The following SLC71A2 variants were observed in gnomAD, a reference collection of about 807,000 sequenced individuals.
SLC71A2 encodes solute carrier family 71 member 2, also known as hippocampus abundant transcript-like 1.
the SLC71A2 span, chr9:94,453,848 T>C: frequency 5.5e-6 from 4 of 724,612 alleles, no homozygotes; most frequent in Non-Finnish European, 9.8e-6. Context: ...GGTCAGGCAG[T>C]GTGCCCTTAG....
the SLC71A2 span, among the ~76,000 whole-genome samples, chr9:94,403,105 T>C: frequency 1.3e-5 from 2 of 152,176 alleles, no homozygotes; most frequent in African/African-American, 4.8e-5. Flanking sequence ...AGTGAAATTA[T>C]GCCATATTTG....
the SLC71A2 span, among the ~76,000 whole-genome samples, chr9:94,379,907 T>G: frequency 2.0e-5 from 3 of 152,206 alleles, no homozygotes; most frequent in African/African-American, 7.2e-5. Flanking sequence ...TTTTTCTTAC[T>G]GTTAGGTATC....
At chr9:94,410,411 T>TC in the SLC71A2 span, among the ~76,000 whole-genome samples, 8 of 130,290 alleles carry the variant, frequency 6.1e-5, no homozygotes, top group Admixed American at 2.4e-4. Context: ...CCTATTTTTT[T>TC]CCCCCCCTAA....
chr9:94,385,375 G>A, the SLC71A2 span, among the ~76,000 whole-genome samples: 162 of 152,218 alleles, frequency 1.1e-3, no homozygotes, highest in African/African-American at 3.6e-3. Flanking sequence ...TCTAATGATA[G>A]GTCTTTGGTT....
At chr9:94,440,238 C>T in the SLC71A2 span, among the ~76,000 whole-genome samples, 3 of 151,926 alleles carry the variant, frequency 2.0e-5, no homozygotes, top group African/African-American at 7.3e-5. Context: ...ACTGCAAGCT[C>T]CGCCTCCCGG....
chr9:94,398,233 T>A, the SLC71A2 span, among the ~76,000 whole-genome samples: 20 of 149,776 alleles, frequency 1.3e-4, no homozygotes, highest in South Asian at 8.6e-4. Flanking sequence ...TGTTTTTTTT[T>A]AAAACACTTA....
the SLC71A2 span, among the ~76,000 whole-genome samples, chr9:94,419,870 T>G: frequency 6.6e-6 from 1 of 152,234 alleles, no homozygotes; most frequent in Non-Finnish European, 1.5e-5. Context: ...TTATTTTTAT[T>G]TTTATTTTTA....
At chr9:94,376,446 T>A in the SLC71A2 span, among the ~76,000 whole-genome samples, 1 of 152,090 alleles carries the variant, frequency 6.6e-6, no homozygotes, top group Non-Finnish European at 1.5e-5. Flanking sequence ...TGCACGTGGC[T>A]GAGTAGTGTG....
the SLC71A2 span, chr9:94,444,896 G>A: frequency 6.8e-7 from 1 of 1,474,474 alleles, no homozygotes; most frequent in South Asian, 1.1e-5. Flanking sequence ...GGCAGACCTG[G>A]GTAAGGATAT....
At chr9:94,384,544 T>A in the SLC71A2 span, among the ~76,000 whole-genome samples, 8 of 152,270 alleles carry the variant, frequency 5.3e-5, no homozygotes, top group East Asian at 1.5e-3. Context: ...TTTGTCATGT[T>A]ACCCAGGGTG....
At chr9:94,374,888 G>C in the SLC71A2 span, 12 of 1,246,056 alleles carry the variant, frequency 9.6e-6, no homozygotes, top group Non-Finnish European at 1.2e-5. Flanking sequence ...GAGCCATGCC[G>C]GAGAAGCGCG....
the SLC71A2 span, among the ~76,000 whole-genome samples, chr9:94,410,506 G>A: frequency 0.035 from 5,264 of 151,954 alleles, 132 homozygotes; most frequent in Middle Eastern, 0.058. Context: ...GACTACAGGT[G>A]CACACCACCG....
At chr9:94,445,175 C>CT in the SLC71A2 span, 6 of 1,608,588 alleles carry the variant, frequency 3.7e-6, no homozygotes, top group Non-Finnish European at 4.2e-6. Flanking sequence ...CAAGCAGACC[C>CT]TTTTGCGGTA....
chr9:94,392,758 C>G, the SLC71A2 span, among the ~76,000 whole-genome samples: 1 of 152,160 alleles, frequency 6.6e-6, no homozygotes, highest in Non-Finnish European at 1.5e-5. Flanking sequence ...CTTGGCCTCC[C>G]AAAGTGCTGG....
At chr9:94,400,851 GT>G in the SLC71A2 span, among the ~76,000 whole-genome samples, 1 of 152,160 alleles carries the variant, frequency 6.6e-6, no homozygotes, top group African/African-American at 2.4e-5. Flanking sequence ...ACCTGAAAGT[GT>G]CCTGTGCTTC....
chr9:94,403,464 A>G, the SLC71A2 span, among the ~76,000 whole-genome samples: 2 of 149,280 alleles, frequency 1.3e-5, no homozygotes, highest in African/African-American at 2.5e-5. Context: ...ACTTACTACA[A>G]CGTCCTTAAT....
the SLC71A2 span, chr9:94,444,874 G>T: frequency 8.4e-7 from 1 of 1,183,542 alleles, no homozygotes; most frequent in Non-Finnish European, 1.2e-6. Context: ...CTGAAGGTGT[G>T]CACCTGCAGC....
the SLC71A2 span, among the ~76,000 whole-genome samples, chr9:94,414,315 A>T: frequency 6.6e-6 from 1 of 152,194 alleles, no homozygotes; most frequent in African/African-American, 2.4e-5. Flanking sequence ...AGGTCATTGC[A>T]GTAATCTGTG....
At chr9:94,442,397 T>C in the SLC71A2 span, among the ~76,000 whole-genome samples, 4 of 151,918 alleles carry the variant, frequency 2.6e-5, no homozygotes, top group African/African-American at 9.7e-5. Context: ...CTACCTTCCC[T>C]CTCTCTCTCT....
Sources: allele counts gnomAD v4.1 joint callset (sites outside exome capture counted in the v4.1 genomes callset), GRCh38; gene constraint gnomAD v4.1.1; transcripts MANE v1.5; gene names NCBI Gene and HGNC (gene_info 2026-07-23, HGNC 2026-07-21).